The following YEATS4 variants were observed in gnomAD, a reference collection of about 807,000 sequenced individuals.
The protein encoded by YEATS4 is YEATS domain-containing protein 4.
A neutral mutation model predicts 30.1 loss-of-function variants in YEATS4; 17 were observed. The ratio of observed to expected loss-of-function variants is 0.56; its 90% confidence interval spans 0.39 to 0.85. YEATS4 has a LOEUF of 0.85. YEATS4 is among the 40% of genes least tolerant of loss of function. The probability of loss-of-function intolerance (pLI) is 0.00; values close to 1 mark genes in which losing one functional copy is unlikely to be tolerated. For missense variants in YEATS4, 142 were observed against 268.3 expected (o/e 0.53, Z 3.29); for synonymous variants, 85 against 87.5 (o/e 0.97, Z 0.16).
intron 6 of YEATS4, among the ~76,000 whole-genome samples, chr12:69,375,386 A>G (rs1318941827): frequency 3.5e-4 from 42 of 119,292 alleles, no homozygotes; most frequent in South Asian, 1.9e-3. Flanking sequence ...AGACGGGATG[A>G]CGGCCGGGAA....
In YEATS4 at chr12:69,370,809, T is replaced by A; in HGVS notation, c.426+11T>A. On this transcript the variant is annotated intron_variant, in intron 5 of 6. Transcript: ENST00000247843. The stretch of plus-strand genomic sequence containing the variant: ...TTCTATGATGAAATGGTAAGAAGAT[T>A]TTATAATGATAGTTTTAAAAGCATT... 1 of 1,596,066 alleles carries A rather than the reference T, an allele frequency of 6.3e-7. No individual in the cohort carries two copies. Among genetic ancestry groups the A allele is most frequent in the Non-Finnish European group, 8.5e-7 (1 of 1,174,562 alleles).
At chr12:69,392,497 T>G (rs1410000045), downstream of YEATS4, among the ~76,000 whole-genome samples, 1 of 152,258 alleles carries the variant, frequency 6.6e-6, no homozygotes, top group Non-Finnish European at 1.5e-5. Context: ...AACTAATGAA[T>G]GCATTTTTTA....
chr12:69,383,810 T>C (rs891925674), intron 6 of YEATS4, among the ~76,000 whole-genome samples: 1 of 152,204 alleles, frequency 6.6e-6, no homozygotes, highest in Non-Finnish European at 1.5e-5. Flanking sequence ...AACTCTGTCT[T>C]GAAGCCTGGC....
At chr12:69,418,688 C>T in the YEATS4 span, among the ~76,000 whole-genome samples, 4 of 152,214 alleles carry the variant, frequency 2.6e-5, no homozygotes, top group East Asian at 7.7e-4. Context: ...AGCATTAACT[C>T]TCATCTGTTT....
At chr12:69,407,983 T>C in the YEATS4 span, among the ~76,000 whole-genome samples, 1 of 152,230 alleles carries the variant, frequency 6.6e-6, no homozygotes, top group Non-Finnish European at 1.5e-5. Context: ...CCCAAAGTGT[T>C]GGGATTACAG....
chr12:69,417,733 A>G, the YEATS4 span, among the ~76,000 whole-genome samples: 1 of 152,092 alleles, frequency 6.6e-6, no homozygotes, highest in Non-Finnish European at 1.5e-5. Context: ...TTCTGTGAAA[A>G]CAACAGCAGC....
chr12:69,375,139 T>G (rs1850557487), intron 6 of YEATS4, among the ~76,000 whole-genome samples: 1 of 148,168 alleles, frequency 6.7e-6, no homozygotes, highest in African/African-American at 2.5e-5. Context: ...GCTCCTCACT[T>G]CCCAGACGGG....
At chr12:69,367,867 G>A (rs916713614) in intron 4 of YEATS4, among the ~76,000 whole-genome samples, 1 of 152,056 alleles carries the variant, frequency 6.6e-6, no homozygotes, top group Non-Finnish European at 1.5e-5. Flanking sequence ...TAAGATTGCT[G>A]GGTTTTCATT....
intron 4 of YEATS4, among the ~76,000 whole-genome samples, chr12:69,366,710 TG>T (rs35544505): frequency 0.4 from 60,963 of 151,942 alleles, 12,524 homozygotes; most frequent in Non-Finnish European, 0.46. Flanking sequence ...CATTTTATCT[TG>T]TTAGAATCAC....
chr12:69,373,318 C>G (rs915616448), intron 6 of YEATS4, among the ~76,000 whole-genome samples: 1 of 152,036 alleles, frequency 6.6e-6, no homozygotes, highest in Non-Finnish European at 1.5e-5. Flanking sequence ...CCTGTCTTTT[C>G]GATAACAGCC....
At chr12:69,414,088 T>C in the YEATS4 span, among the ~76,000 whole-genome samples, 1 of 152,216 alleles carries the variant, frequency 6.6e-6, no homozygotes, top group African/African-American at 2.4e-5. Flanking sequence ...ATGCTATTGC[T>C]CATCTCACAA....
intron 4 of YEATS4, among the ~76,000 whole-genome samples, chr12:69,366,595 CT>C (rs1401429320): frequency 6.6e-6 from 1 of 151,056 alleles, no homozygotes; most frequent in Non-Finnish European, 1.5e-5. Context: ...ACCACTAGGC[CT>C]TTTTTTTTCT....
At chr12:69,373,681 A>G (rs534110444) in intron 6 of YEATS4, among the ~76,000 whole-genome samples, 1 of 152,300 alleles carries the variant, frequency 6.6e-6, no homozygotes, top group East Asian at 1.9e-4. Flanking sequence ...ATAGGGTATT[A>G]CACAAGAAAT....
At chr12:69,375,648 C>T (rs1875839748) in intron 6 of YEATS4, among the ~76,000 whole-genome samples, 1 of 152,214 alleles carries the variant, frequency 6.6e-6, no homozygotes, top group Non-Finnish European at 1.5e-5. Flanking sequence ...CGTCTGCAAT[C>T]CCGGCACCTC....
In YEATS4 at chr12:69,377,728, A is replaced by G. The variant is rs187822769; in HGVS notation, c.514+6753A>G. On this transcript the variant is annotated intron_variant, in intron 6 of 6. Coordinates refer to ENST00000247843, the MANE Select transcript of YEATS4 (RefSeq NM_006530.4). ...TCACATTACTTGCTTTTTTAAAAAA[A>G]AATGTTTTATGACTTGTTTTGTGGC... Among the ~76,000 whole-genome samples, 39 of 152,314 alleles carry G rather than the reference A, an allele frequency of 2.6e-4. No homozygotes were observed. In the East Asian group the frequency reaches 6.4e-3, roughly 25 times the overall value.
At chr12:69,410,649 C>T in the YEATS4 span, among the ~76,000 whole-genome samples, 110 of 152,278 alleles carry the variant, frequency 7.2e-4, 3 homozygotes, top group South Asian at 0.021. Context: ...TATAAGCAAG[C>T]ATGCTGTTTT....
At chr12:69,367,822 A>G (rs1016628953) in intron 4 of YEATS4, among the ~76,000 whole-genome samples, 1 of 152,212 alleles carries the variant, frequency 6.6e-6, no homozygotes, top group Non-Finnish European at 1.5e-5. Context: ...GAAGCAGCTC[A>G]TATGTTACTA....
At chr12:69,374,907 C>T (rs866094323) in intron 6 of YEATS4, among the ~76,000 whole-genome samples, 14 of 152,232 alleles carry the variant, frequency 9.2e-5, no homozygotes, top group Middle Eastern at 3.4e-3. Flanking sequence ...ACCTCCCAGA[C>T]GGGGTGGCGG....
At chr12:69,371,819 G>T (rs952995428) in intron 6 of YEATS4, among the ~76,000 whole-genome samples, 3 of 152,220 alleles carry the variant, frequency 2.0e-5, no homozygotes, top group Non-Finnish European at 1.5e-5. Context: ...GGGGCAGGGA[G>T]CATCTTTGGT....
Sources: gnomAD v4.1 joint callset for allele counts (sites outside exome capture counted in the v4.1 genomes callset) on GRCh38, gnomAD v4.1.1 for gene constraint, MANE v1.5 for transcripts, NCBI Gene and HGNC (gene_info 2026-07-23, HGNC 2026-07-21) for gene names.